Variants in PLA2G4A observed in about 807,000 individuals in gnomAD.
PLA2G4A encodes phospholipase A2 group IVA.
In PLA2G4A, 40 loss-of-function variants were observed where a neutral mutation model predicts 81.9. The ratio of observed to expected loss-of-function variants is 0.49; its 90% confidence interval spans 0.38 to 0.64. PLA2G4A has a LOEUF of 0.64. Among genes scored for constraint, PLA2G4A ranks in the 30% least tolerant of loss-of-function variants. PLA2G4A has a pLI of 0.00. For synonymous variants in PLA2G4A, 302 were observed against 296.9 expected (o/e 1.02, Z -0.18); for missense variants, 715 against 905.1 (o/e 0.79, Z 2.69).
chr1:186,863,949 A>G lies in PLA2G4A; in HGVS notation c.34-6486A>G, dbSNP rs138163343. On this transcript the variant is annotated intron_variant, in intron 2 of 17. Transcript: ENST00000367466. ...CTAATTTTTTATATTTTTAGTAGAG[A>G]TGGGGTTTCACCATATTGGCCGGGC... Among the ~76,000 whole-genome samples the G allele has an allele frequency of 4.9e-3, 747 of 151,980 alleles. 3 individuals are homozygous for G. Among genetic ancestry groups the G allele is most frequent in the Non-Finnish European group, 8.9e-3 (607 of 67,956 alleles).
chr1:186,914,274 T>TC (rs1655065256), intron 7 of PLA2G4A, among the ~76,000 whole-genome samples: 1 of 150,588 alleles, frequency 6.6e-6, no homozygotes, highest in African/African-American at 2.4e-5. Flanking sequence ...ATATATGTTT[T>TC]TTTCTTTCTA....
intron 2 of PLA2G4A, among the ~76,000 whole-genome samples, chr1:186,862,841 A>G (rs1394081957): frequency 1.3e-5 from 2 of 152,184 alleles, no homozygotes; most frequent in Non-Finnish European, 2.9e-5. Flanking sequence ...AGAAAGGTGA[A>G]GGTGCACCTG....
At chr1:186,857,324 A>ATATAAATATAATATTATATATAT (rs1437186348) in intron 2 of PLA2G4A, among the ~76,000 whole-genome samples, 2 of 119,436 alleles carry the variant, frequency 1.7e-5, no homozygotes, top group South Asian at 4.6e-4. Flanking sequence ...ATGTAATATA[A>ATATAAATATAATATTATATATAT]TATAAATATA....
Position 186,894,222 on chromosome 1 carries a change from C to T in PLA2G4A, c.378+11C>T. The T allele has an allele frequency of 1.1e-6, 1 of 923,766 alleles. No homozygotes were observed. The allele number at this position is 923,766 out of a possible 1,614,324, so 57.2% of individuals were successfully genotyped here. On this transcript the variant is annotated intron_variant, in intron 5 of 17. Transcript: ENST00000367466. ...TTTATTTTCAACCAAGTAAGTAACA[C>T]TGCAGAATTATATTCCAACCTTATG...
intron 13 of PLA2G4A, among the ~76,000 whole-genome samples, chr1:186,952,503 C>T (rs1656595258): frequency 6.6e-6 from 1 of 152,186 alleles, no homozygotes; most frequent in South Asian, 2.1e-4. Flanking sequence ...GCCTCTCCCA[C>T]TATAAACATT....
chr1:186,892,100 T>C (rs1255762811), intron 3 of PLA2G4A, among the ~76,000 whole-genome samples: 2 of 152,198 alleles, frequency 1.3e-5, no homozygotes, highest in East Asian at 1.9e-4. Context: ...TTTTGAGAAA[T>C]GTCTATTCAA....
At chr1:186,838,628 C>T (rs1366894595) in intron 1 of PLA2G4A, among the ~76,000 whole-genome samples, 1 of 151,910 alleles carries the variant, frequency 6.6e-6, no homozygotes, top group African/African-American at 2.4e-5. Context: ...ATTCTGGAAC[C>T]TTTTTTTTCT....
chr1:186,865,104 AT>A lies in PLA2G4A; in HGVS notation c.34-5330del, dbSNP rs1423128997. Among the ~76,000 whole-genome samples the A allele has an allele frequency of 3.4e-5, 5 of 148,676 alleles. No homozygotes were observed. In the East Asian group the frequency reaches 5.8e-4, roughly 17 times the overall value. On this transcript the variant is annotated intron_variant, in intron 2 of 17. Coordinates refer to ENST00000367466, the MANE Select transcript of PLA2G4A (RefSeq NM_024420.3). ...TAAAAATATATACATATATATATAT[AT>A]AAAATATAATATATTGCCAAACTTA... is the stretch of plus-strand genomic sequence containing the variant.
At chr1:186,840,516 G>A (rs1199518810) in intron 1 of PLA2G4A, among the ~76,000 whole-genome samples, 4 of 152,178 alleles carry the variant, frequency 2.6e-5, no homozygotes, top group African/African-American at 4.8e-5. Context: ...ACACCTGGAA[G>A]CAGGTGTACA....
At position 186,939,203 on chromosome 1, in the gene PLA2G4A, G is replaced by T; in HGVS notation, c.891G>T (p.Met297Ile). Residue 297 changes from methionine (M) to isoleucine (I), a missense_variant, in exon 9 of 18, where the codon ATG (methionine) becomes ATT (isoleucine). Transcript: ENST00000367466. ...TCACCTTTACTGATATCTTTGGGAT[G>T]TTAATAGGAGAAACACTAATTCATA... is the stretch of plus-strand genomic sequence containing the variant. ...QPVTFTDIFG[M>I]LIGETLIHNR... 1 of 1,585,084 alleles carries T rather than the reference G, an allele frequency of 6.3e-7. No individual in the cohort carries two copies. Among genetic ancestry groups the T allele is most frequent in the South Asian group, 1.1e-5 (1 of 90,532 alleles).
intron 7 of PLA2G4A, among the ~76,000 whole-genome samples, chr1:186,920,887 G>A (rs1035573267): frequency 1.3e-5 from 2 of 152,172 alleles, no homozygotes; most frequent in Non-Finnish European, 2.9e-5. Context: ...ATTCATATGC[G>A]CAAACCCAGC....
intron 1 of PLA2G4A, among the ~76,000 whole-genome samples, chr1:186,851,768 CAATA>C (rs1446827708): frequency 6.6e-6 from 1 of 151,670 alleles, no homozygotes; most frequent in African/African-American, 2.4e-5. Context: ...TAATGTTATC[CAATA>C]AATATAAAAT....
intron 2 of PLA2G4A, among the ~76,000 whole-genome samples, chr1:186,860,274 G>A (rs1215972183): frequency 6.6e-6 from 1 of 152,048 alleles, no homozygotes; most frequent in East Asian, 1.9e-4. Context: ...ACACAATTAT[G>A]GAGGCTGAGC....
intron 10 of PLA2G4A, among the ~76,000 whole-genome samples, chr1:186,944,875 T>C (rs1656282283): frequency 6.6e-6 from 1 of 152,148 alleles, no homozygotes; most frequent in African/African-American, 2.4e-5. Flanking sequence ...GTGGGATAAA[T>C]GAATTATAAG....
At chr1:186,840,136 G>A (rs564728739) in intron 1 of PLA2G4A, among the ~76,000 whole-genome samples, 1 of 151,650 alleles carries the variant, frequency 6.6e-6, no homozygotes. Flanking sequence ...CCACCACCAT[G>A]CCTGGGCAGT....
At chr1:186,979,234 T>G (rs957814885) in intron 16 of PLA2G4A, 81 bp from the exon 17 acceptor site, 1 of 1,032,384 alleles carries the variant, frequency 9.7e-7, no homozygotes, top group African/African-American at 1.6e-5. Flanking sequence ...TGTCTTTATG[T>G]CTGTATGTTT....
At chr1:186,947,196 A>C (rs951493259) in intron 12 of PLA2G4A, among the ~76,000 whole-genome samples, 12 of 152,138 alleles carry the variant, frequency 7.9e-5, no homozygotes, top group African/African-American at 2.7e-4. Context: ...AGTAATTTTT[A>C]ATAGAACACA....
At chr1:186,958,246 G>A (rs2102261178) in intron 14 of PLA2G4A, among the ~76,000 whole-genome samples, 1 of 152,192 alleles carries the variant, frequency 6.6e-6, no homozygotes, top group African/African-American at 2.4e-5. Flanking sequence ...ATGTTATATA[G>A]CATATTAACT....
chr1:186,969,214 T>A (rs891023761), intron 15 of PLA2G4A, among the ~76,000 whole-genome samples: 33 of 151,836 alleles, frequency 2.2e-4, no homozygotes, highest in East Asian at 5.8e-4. Context: ...CTTATAATTT[T>A]AAAAATTTTT....
Sources: allele counts gnomAD v4.1 joint callset (sites outside exome capture counted in the v4.1 genomes callset), GRCh38; gene constraint gnomAD v4.1.1; transcripts MANE v1.5; gene names NCBI Gene and HGNC (gene_info 2026-07-23, HGNC 2026-07-21).